The following TXNRD1 variants were observed in gnomAD, a reference collection of about 807,000 sequenced individuals.
TXNRD1 encodes thioredoxin reductase 1.
Under a neutral mutation model 80.3 loss-of-function variants are expected in TXNRD1, and 57 were observed. The ratio of observed to expected loss-of-function variants is 0.71; its 90% CI spans 0.57 to 0.89. The LOEUF is 0.89. TXNRD1 is among the 40% of genes least tolerant of loss of function. The pLI, the probability that TXNRD1 is intolerant of heterozygous loss-of-function variation, is 0.00. For synonymous variants in TXNRD1, 291 were observed against 285.2 expected (o/e 1.02, Z -0.20); for missense variants, 730 against 803.0 (o/e 0.91, Z 1.10).
At chr12:104,259,648 C>A (rs987720963) in intron 3 of TXNRD1, among the ~76,000 whole-genome samples, 1 of 151,862 alleles carries the variant, frequency 6.6e-6, no homozygotes, top group African/African-American at 2.4e-5. Context: ...TGCACCACTA[C>A]GCCTGGCTAA....
chr12:104,320,755 G>T (rs1168306312), intron 9 of TXNRD1, among the ~76,000 whole-genome samples: 1 of 152,128 alleles, frequency 6.6e-6, no homozygotes, highest in Non-Finnish European at 1.5e-5. Flanking sequence ...GTGGCATGAG[G>T]ATGGAGGTTA....
chr12:104,315,963 C>T (rs142909549), intron 7 of TXNRD1, 67 bp downstream of exon 7: 38 of 1,519,476 alleles, frequency 2.5e-5, no homozygotes, highest in Admixed American at 1.0e-4. Context: ...TTTTGTGATG[C>T]GTCGTCCATT....
chr12:104,223,320 A>G (rs2032396212), intron 1 of TXNRD1, among the ~76,000 whole-genome samples: 1 of 152,224 alleles, frequency 6.6e-6, no homozygotes, highest in Non-Finnish European at 1.5e-5. Context: ...ATGTTTCATT[A>G]AGTGCTTTAT....
At chr12:104,222,782 C>T (rs532504498) in intron 1 of TXNRD1, among the ~76,000 whole-genome samples, 4 of 152,138 alleles carry the variant, frequency 2.6e-5, no homozygotes, top group Admixed American at 1.3e-4. Flanking sequence ...ACCTGAGAGG[C>T]GGAGGTTGCA....
chr12:104,252,856 C>T (rs2033159377), intron 2 of TXNRD1, among the ~76,000 whole-genome samples: 1 of 150,712 alleles, frequency 6.6e-6, no homozygotes, highest in Admixed American at 6.6e-5. Context: ...GTGCCCGCCA[C>T]CACACCCCGC....
At chr12:104,298,675 G>A (rs1203233319) in intron 4 of TXNRD1, among the ~76,000 whole-genome samples, 1 of 152,004 alleles carries the variant, frequency 6.6e-6, no homozygotes, top group Admixed American at 6.6e-5. Flanking sequence ...AGTGAGCTGA[G>A]ATCACACCAT....
intron 6 of TXNRD1, among the ~76,000 whole-genome samples, chr12:104,315,106 A>T (rs1420967229): frequency 6.6e-6 from 1 of 152,202 alleles, no homozygotes; most frequent in East Asian, 1.9e-4. Flanking sequence ...CCAGCATAGC[A>T]ACCCCTTTAT....
At chr12:104,297,478 G>C (rs983091776) in intron 4 of TXNRD1, among the ~76,000 whole-genome samples, 1 of 151,950 alleles carries the variant, frequency 6.6e-6, no homozygotes, top group South Asian at 2.1e-4. Flanking sequence ...CAATTCTCCT[G>C]CCTCAGTCTC....
At chr12:104,303,853 C>T in intron 4 of TXNRD1, 2 of 1,447,616 alleles carry the variant, frequency 1.4e-6, no homozygotes, top group Middle Eastern at 2.5e-4. Flanking sequence ...GGAAGGGAGA[C>T]GAAGAGAAAG....
chr12:104,325,213 C>A, intron 10 of TXNRD1, 124 bp from the exon 11 acceptor site: 1 of 689,326 alleles, frequency 1.5e-6, no homozygotes, highest in Non-Finnish European at 2.6e-6. Context: ...GGAGATGGGA[C>A]ATAAAAGACT....
intron 13 of TXNRD1, among the ~76,000 whole-genome samples, chr12:104,329,281 A>C (rs533432546): frequency 1.4e-4 from 22 of 151,936 alleles, no homozygotes; most frequent in Middle Eastern, 3.4e-3. Context: ...GATGCACTTA[A>C]TTTATTCTTA....
At chr12:104,312,175 A>G (rs532446795) in intron 5 of TXNRD1, among the ~76,000 whole-genome samples, 2 of 152,116 alleles carry the variant, frequency 1.3e-5, no homozygotes, top group South Asian at 2.1e-4. Context: ...ATGGGGAGCA[A>G]TTGGGTTTCT....
chr12:104,338,107 TTGAA>T (rs1431382560), intron 15 of TXNRD1, among the ~76,000 whole-genome samples: 2 of 151,654 alleles, frequency 1.3e-5, no homozygotes, highest in East Asian at 3.9e-4. Flanking sequence ...AAATTTTAAT[TTGAA>T]TGACTACTCT....
At chr12:104,286,744 A>G (rs1255141785) in intron 3 of TXNRD1, 2 of 1,019,884 alleles carry the variant, frequency 2.0e-6, no homozygotes, top group African/African-American at 1.7e-5. Flanking sequence ...GGCATAGTCT[A>G]ATTTCTTCAG....
At chr12:104,263,645 G>C (rs898138471) in intron 3 of TXNRD1, among the ~76,000 whole-genome samples, 1 of 152,134 alleles carries the variant, frequency 6.6e-6, no homozygotes, top group African/African-American at 2.4e-5. Flanking sequence ...TCTTAATTTG[G>C]TCTGGCAGCT....
intron 1 of TXNRD1, among the ~76,000 whole-genome samples, chr12:104,249,661 C>A (rs148188083): frequency 6.6e-6 from 1 of 152,036 alleles, no homozygotes; most frequent in Non-Finnish European, 1.5e-5. Flanking sequence ...GCTTGCCAGG[C>A]GCGGTGGTTC....
chr12:104,238,010 C>CA (rs1418372185), intron 1 of TXNRD1, among the ~76,000 whole-genome samples: 67 of 132,202 alleles, frequency 5.1e-4, no homozygotes, highest in East Asian at 1.1e-3. Flanking sequence ...GACTTCATCT[C>CA]AAAAAAAAAA....
chr12:104,227,507 TC>T (rs1303610002), intron 1 of TXNRD1, among the ~76,000 whole-genome samples: 1 of 152,168 alleles, frequency 6.6e-6, no homozygotes, highest in Admixed American at 6.5e-5. Context: ...CATCAAGCCA[TC>T]CTCCCTCCTG....
In TXNRD1 at chr12:104,294,240, C is replaced by CCCA. The variant is rs2034350839; in HGVS notation, c.414+5202_414+5203insACC. On this transcript the variant is annotated intron_variant, in intron 4 of 16. Coordinates refer to ENST00000525566, the MANE Select transcript of TXNRD1 (RefSeq NM_001093771.3). ...AAACTCCCCCGGGGAAAGGCCCCCC[C>CCCA]CCCCGCCGCCGGCTTTCCCGGTCTG... Among the ~76,000 whole-genome samples, 2 of 123,636 alleles carry CCCA rather than the reference C, an allele frequency of 1.6e-5. 1 individual carries two copies. Among genetic ancestry groups the CCCA allele is most frequent in the Non-Finnish European group, 3.5e-5 (2 of 56,446 alleles). 81.1% of individuals were successfully genotyped at this position (123,636 alleles called of 152,430 possible).
Sources: gnomAD v4.1 joint callset for allele counts (sites outside exome capture counted in the v4.1 genomes callset) on GRCh38, gnomAD v4.1.1 for gene constraint, MANE v1.5 for transcripts, NCBI Gene and HGNC (gene_info 2026-07-23, HGNC 2026-07-21) for gene names.